PATJ: variants seen among roughly 807,000 people sequenced by gnomAD.
PATJ encodes the protein PATJ crumbs cell polarity complex component.
PATJ carries 190 observed loss-of-function variants against 224.9 expected under a neutral mutation model. The observed-to-expected ratio is 0.84, with a 90% CI of 0.75 to 0.95. The LOEUF (loss-of-function observed/expected upper bound fraction) is 0.95. Ranked by LOEUF, PATJ falls within the 40% of genes least tolerant of loss-of-function variation. The pLI is 0.00. For missense variants in PATJ, 2,121 were observed against 2,270.3 expected (o/e 0.93, Z 1.34); for synonymous variants, 769 against 820.3 (o/e 0.94, Z 1.07).
At chr1:62,096,790 T>C (rs1661447221) in intron 33 of PATJ, among the ~76,000 whole-genome samples, 2 of 152,188 alleles carry the variant, frequency 1.3e-5, no homozygotes, top group African/African-American at 4.8e-5. Flanking sequence ...TAACTTTTTG[T>C]ATTTTTAGTA....
Position 61,853,458 on chromosome 1 carries a change from AG to A in PATJ, c.2113-2571del, listed in dbSNP as rs2148896427. Among the ~76,000 whole-genome samples the A allele has an allele frequency of 1.3e-5, 2 of 152,336 alleles. 1 individual carries two copies. The highest frequency in any genetic ancestry group is 4.1e-4 in the South Asian group (2 of 4,830). On this transcript the variant is annotated intron_variant, in intron 17 of 43. Transcript: ENST00000642238. ...GTTGCAGTTTTCTCTAAGGAAGTGT[AG>A]AAATTATTAATATGAAGTAATGTTA...
At chr1:61,976,909 C>A (rs1199701382) in intron 27 of PATJ, among the ~76,000 whole-genome samples, 1 of 151,954 alleles carries the variant, frequency 6.6e-6, no homozygotes. Context: ...TCATTTTATT[C>A]ATACACATGC....
intron 8 of PATJ, among the ~76,000 whole-genome samples, chr1:61,789,315 TAAATA>T (rs758720590): frequency 2.9e-4 from 42 of 147,218 alleles, no homozygotes; most frequent in Non-Finnish European, 5.9e-4. Flanking sequence ...AAAAAATAAA[TAAATA>T]AATAAAATAA....
intron 43 of PATJ, among the ~76,000 whole-genome samples, chr1:62,156,056 A>T (rs113063691): frequency 2.9e-3 from 321 of 112,324 alleles, no homozygotes; most frequent in African/African-American, 6.5e-3. Context: ...AGACTCTGTA[A>T]AAAAAAAAAA....
At chr1:62,114,022 G>A (rs1339465991) in intron 34 of PATJ, 31 bp from the exon 35 acceptor site, 2 of 1,606,072 alleles carry the variant, frequency 1.2e-6, no homozygotes, top group South Asian at 2.2e-5. Flanking sequence ...TCTGCCATCA[G>A]CAGCCCAGCT....
intron 27 of PATJ, among the ~76,000 whole-genome samples, chr1:61,980,866 G>A (rs1232966110): frequency 6.6e-6 from 1 of 152,078 alleles, no homozygotes; most frequent in African/African-American, 2.4e-5. Context: ...AACTGGCATT[G>A]CAGTGTCTTG....
chr1:61,951,368 T>C (rs1167289309), intron 27 of PATJ, among the ~76,000 whole-genome samples: 1 of 151,870 alleles, frequency 6.6e-6, no homozygotes, highest in African/African-American at 2.4e-5. Context: ...ACCTTTTGAG[T>C]AGTATTTGAG....
At chr1:61,861,722 A>G (rs1403319579) in intron 19 of PATJ, 55 bp downstream of exon 19, 3 of 734,602 alleles carry the variant, frequency 4.1e-6, no homozygotes, top group African/African-American at 1.8e-5. Flanking sequence ...TAAAATTTCT[A>G]TGTAGAAAGA....
chr1:61,952,545 C>A, intron 27 of PATJ: 2 of 665,270 alleles, frequency 3.0e-6, no homozygotes, highest in Admixed American at 4.1e-5. Flanking sequence ...AGTAAGAGAG[C>A]GAGGGCACAT....
At chr1:61,883,757 T>TAAAAA (rs66752201) in intron 21 of PATJ, among the ~76,000 whole-genome samples, 1 of 113,940 alleles carries the variant, frequency 8.8e-6, no homozygotes, top group Non-Finnish European at 1.7e-5. Context: ...CTCCGTCTCT[T>TAAAAA]AAAAAAAAAA....
chr1:62,007,239 C>T (rs138629268), intron 28 of PATJ, among the ~76,000 whole-genome samples: 16 of 152,252 alleles, frequency 1.1e-4, no homozygotes, highest in Admixed American at 4.6e-4. Flanking sequence ...GAACTCACCC[C>T]TAAGGTAAAA....
chr1:61,914,681 A>C lies in PATJ; in HGVS notation c.3570+17A>C. 6.9e-7 allele frequency: 1 copy of C among 1,447,282 alleles called. No homozygotes were observed. The highest frequency in any genetic ancestry group is 9.6e-7 in the Non-Finnish European group (1 of 1,042,566). The allele number at this position is 1,447,282 out of a possible 1,614,324, so 89.7% of individuals were successfully genotyped here. A position where few individuals can be genotyped will look rare whatever the true frequency, so the allele number is the denominator to read the frequency against. ...AAAGAAAAGGTAACTTGAACCTCTC[A>C]AGGATTTAAAAAATGTTTTTGTTTT... is the stretch of plus-strand genomic sequence containing the variant. On this transcript the variant is annotated intron_variant, in intron 26 of 43. Transcript: ENST00000642238.
Position 61,933,248 on chromosome 1 carries a change from T to C in PATJ, c.3670+5419T>C, listed in dbSNP as rs550651035. On this transcript the variant is annotated intron_variant, in intron 27 of 43. Transcript: ENST00000642238. ...AACTTTTGACTTAACTTTGTGGAAA[T>C]GGCCTTTCATACCTGGAATTAAAAT... Among the ~76,000 whole-genome samples the C allele has an allele frequency of 2.2e-4, 33 of 152,190 alleles. No individual in the cohort carries two copies. The South Asian group carries it at 6.9e-3, about 32-fold the overall frequency.
intron 25 of PATJ, among the ~76,000 whole-genome samples, 154 bp downstream of exon 25, chr1:61,908,636 CT>C (rs1234808767): frequency 1.3e-5 from 2 of 152,098 alleles, no homozygotes; most frequent in Non-Finnish European, 2.9e-5. Context: ...ATAAGGTTCC[CT>C]TTTTTCCCCT....
intron 27 of PATJ, among the ~76,000 whole-genome samples, chr1:61,974,405 C>CT (rs149825131): frequency 0.012 from 746 of 64,022 alleles, 6 homozygotes; most frequent in East Asian, 0.019. Context: ...CTCTCTCTCT[C>CT]TTTTTTTTTT....
In PATJ at chr1:62,128,100, C is replaced by G; in HGVS notation, c.5166+6C>G. The G allele has an allele frequency of 1.2e-6, 2 of 1,613,902 alleles. No homozygotes were observed. The highest frequency in any genetic ancestry group is 1.1e-5 in the South Asian group (1 of 91,046). On this transcript the variant is annotated splice_donor_region_variant and intron_variant, in intron 40 of 43. Coordinates refer to ENST00000642238, the MANE Select transcript of PATJ (RefSeq NM_001350145.3). ...CACGGACACAGAAGCTTAAAGTAAA[C>G]GAGAGAACTGGTTGAAAGACTAACA...
intron 25 of PATJ, among the ~76,000 whole-genome samples, chr1:61,910,115 A>G (rs918150811): frequency 6.6e-6 from 1 of 152,246 alleles, no homozygotes; most frequent in African/African-American, 2.4e-5. Context: ...CTGGAAACCT[A>G]GTTCAACAGG....
chr1:61,881,382 T>TCCATGAAC (rs112278526), intron 21 of PATJ, among the ~76,000 whole-genome samples: 16,769 of 150,078 alleles, frequency 0.11, 1,151 homozygotes, highest in South Asian at 0.24. Context: ...CTTCCCAGGA[T>TCCATGAAC]CCATGAACCA....
intron 24 of PATJ, 87 bp from the exon 25 acceptor site, chr1:61,908,285 A>C (rs1392468979): frequency 1.2e-6 from 1 of 848,724 alleles, no homozygotes. Flanking sequence ...TTGTTCTTAT[A>C]ACTAGATAAT....
Sources: allele counts gnomAD v4.1 joint callset (sites outside exome capture counted in the v4.1 genomes callset), GRCh38; gene constraint gnomAD v4.1.1; transcripts MANE v1.5; gene names NCBI Gene and HGNC (gene_info 2026-07-23, HGNC 2026-07-21).